HBS1L: variants seen among roughly 807,000 people sequenced by gnomAD.
HBS1L encodes HBS1-like protein.
HBS1L carries 55 observed loss-of-function variants against 88.9 expected under a neutral mutation model. The observed-to-expected ratio is 0.62, with a 90% CI of 0.50 to 0.77. The LOEUF is 0.77. Ranked by LOEUF, HBS1L falls within the 30% of genes least tolerant of loss-of-function variation. HBS1L has a pLI of 0.00. For missense variants in HBS1L, 741 were observed against 829.3 expected (o/e 0.89, Z 1.31); for synonymous variants, 267 against 288.5 (o/e 0.93, Z 0.76).
At chr6:135,035,139 A>G (rs1468138319) in intron 4 of HBS1L, among the ~76,000 whole-genome samples, 1 of 152,200 alleles carries the variant, frequency 6.6e-6, no homozygotes, top group Non-Finnish European at 1.5e-5. Flanking sequence ...GGAAAACTCC[A>G]CATTCCATTA....
In HBS1L at chr6:134,997,628, A is replaced by C. The variant is rs751740014; in HGVS notation, c.568T>G (p.Phe190Val). 3.5e-5 allele frequency: 56 copies of C among 1,613,972 alleles called. No homozygotes were observed. The highest frequency in any genetic ancestry group is 4.7e-5 in the Non-Finnish European group (56 of 1,179,912). ...GGCGGTCCTTTTTGAGGTGTGTGGA[A>C]ACTATGACCATTTTCTTCAGAAGAT... is the stretch of plus-strand genomic sequence containing the variant. ...GVSSEENGHS[F>V]HTPQKGPPIE... The change falls in exon 6 of 18, where the codon TTC (phenylalanine) becomes GTC (valine). Residue 190 changes from phenylalanine to valine, a missense_variant. Phe to Val is a conservative substitution (Grantham distance 50). This residue lies in a region of HBS1L where 556 missense variants were observed against 598.4 expected (regional missense o/e 0.93). Transcript: ENST00000367837.
At chr6:135,036,292 G>A in intron 4 of HBS1L, 1 of 1,029,964 alleles carries the variant, frequency 9.7e-7, no homozygotes. Flanking sequence ...AAATATATGA[G>A]GTCTGATTTC....
intron 4 of HBS1L, among the ~76,000 whole-genome samples, chr6:135,026,325 TGAGAGATCAA>T (rs781650255): frequency 2.2e-4 from 33 of 152,280 alleles, no homozygotes; most frequent in Non-Finnish European, 4.4e-4. Flanking sequence ...TTTTTAACAG[TGAGAGATCAA>T]TATACATTGT....
At chr6:135,030,785 A>G (rs901455542) in intron 4 of HBS1L, among the ~76,000 whole-genome samples, 3 of 152,192 alleles carry the variant, frequency 2.0e-5, no homozygotes, top group African/African-American at 7.2e-5. Flanking sequence ...GGGCCAAAAA[A>G]TGTACAGTTG....
intron 7 of HBS1L, among the ~76,000 whole-genome samples, chr6:134,996,292 T>C (rs1330463860): frequency 2.0e-5 from 3 of 152,186 alleles, no homozygotes; most frequent in Admixed American, 6.5e-5. Context: ...GACTGTCTCA[T>C]AAAAACATAA....
chr6:135,002,909 AGTATT>A, intron 4 of HBS1L, 67 bp from the exon 5 acceptor site: 1 of 771,766 alleles, frequency 1.3e-6, no homozygotes, highest in Non-Finnish European at 2.1e-6. Flanking sequence ...TCTATTACAT[AGTATT>A]TTAAATTATA....
At position 134,965,197 on chromosome 6, in the gene HBS1L, T is replaced by C; in HGVS notation, c.*82A>G. Reference sequence around the variant, plus strand: ...TAAAAACATATCAATTGCACATTGTTCCTTTGACTTAATAACTGCATTCTT... The same window carrying C: ...TAAAAACATATCAATTGCACATTGTCCCTTTGACTTAATAACTGCATTCTT... On this transcript the variant is annotated 3_prime_UTR_variant, in exon 18 of 18. Transcript: ENST00000367837. The C allele has an allele frequency of 9.1e-7, 1 of 1,099,040 alleles. No individual in the cohort carries two copies. Among genetic ancestry groups the C allele is most frequent in the East Asian group, 2.4e-5 (1 of 42,354 alleles). The allele number at this position is 1,099,040 out of a possible 1,614,324, so 68.1% of individuals were successfully genotyped here.
At chr6:135,024,559 T>C (rs1274124005) in intron 4 of HBS1L, among the ~76,000 whole-genome samples, 1 of 149,104 alleles carries the variant, frequency 6.7e-6, no homozygotes, top group Non-Finnish European at 1.5e-5. Flanking sequence ...GTTTTTTTTT[T>C]TTCTTGGTAG....
chr6:135,004,958 T>C (rs1267159799), intron 4 of HBS1L, among the ~76,000 whole-genome samples: 1 of 151,980 alleles, frequency 6.6e-6, no homozygotes, highest in African/African-American at 2.4e-5. Flanking sequence ...GCCAAGATAA[T>C]GGACAATACA....
intron 4 of HBS1L, among the ~76,000 whole-genome samples, chr6:135,029,920 A>G (rs761059089): frequency 1.3e-5 from 2 of 152,262 alleles, no homozygotes; most frequent in Non-Finnish European, 2.9e-5. Flanking sequence ...ACGTACATTC[A>G]CATATGTGTA....
In HBS1L at chr6:134,963,969, AG is replaced by A. The variant is rs1380690327; in HGVS notation, c.*1309del. 1 of 152,224 alleles carries A rather than the reference AG, an allele frequency of 6.6e-6. No individual in the cohort carries two copies. The highest frequency in any genetic ancestry group is 1.9e-4 in the East Asian group (1 of 5,206). The allele number at this position is 152,224 out of a possible 1,614,324, so 9.4% of individuals were successfully genotyped here. ...TATTTAAATAAAACTTTCTTAACTC[AG>A]TGAATCTGAAGTGACAACTACACAT... On this transcript the variant is annotated 3_prime_UTR_variant, in exon 18 of 18. Transcript: ENST00000367837.
rs33946758 is a variant in HBS1L at position 135,000,222 on chromosome 6, A to ATT, written c.539+2510_539+2511dup. Among the ~76,000 whole-genome samples the ATT allele has an allele frequency of 3.2e-4, 42 of 129,414 alleles. 3 individuals carry two copies. The highest frequency in any genetic ancestry group is 9.3e-4 in the African/African-American group (27 of 28,918). 84.9% of individuals were successfully genotyped at this position (129,414 alleles called of 152,430 possible). On this transcript the variant is annotated intron_variant, in intron 5 of 17. Transcript: ENST00000367837. ...AGGCAAGCACCACTATACCCAGCTA[A>ATT]TTTTTTTTTTTTTTTGGTAGAGATG...
chr6:135,025,168 G>A (rs541918719), intron 4 of HBS1L, among the ~76,000 whole-genome samples: 9 of 152,222 alleles, frequency 5.9e-5, no homozygotes, highest in East Asian at 1.9e-4. Context: ...CCATTTTCCC[G>A]AAAGAGAGCA....
At chr6:135,052,898 C>A (rs1442478974) in intron 1 of HBS1L, among the ~76,000 whole-genome samples, 1 of 152,188 alleles carries the variant, frequency 6.6e-6, no homozygotes, top group East Asian at 1.9e-4. Context: ...TTTTAGAACA[C>A]AAACTCTCTC....
At chr6:135,043,272 AATATAG>A (rs1224864283) in intron 2 of HBS1L, among the ~76,000 whole-genome samples, 3 of 152,242 alleles carry the variant, frequency 2.0e-5, no homozygotes, top group Non-Finnish European at 2.9e-5. Flanking sequence ...GAAGGACAGA[AATATAG>A]ATATAATATT....
chr6:134,970,671 T>C (rs1306863508), intron 15 of HBS1L, among the ~76,000 whole-genome samples: 2 of 152,194 alleles, frequency 1.3e-5, no homozygotes, highest in Non-Finnish European at 1.5e-5. Context: ...AGCTGAATTT[T>C]AGGCTTATGT....
intron 4 of HBS1L, among the ~76,000 whole-genome samples, chr6:135,021,325 T>A (rs1334184409): frequency 6.6e-6 from 1 of 152,030 alleles, no homozygotes; most frequent in African/African-American, 2.4e-5. Flanking sequence ...TGGTTCTCAA[T>A]AAACAATATT....
intron 4 of HBS1L, chr6:135,036,681 T>C (rs1170926413): frequency 1.9e-6 from 3 of 1,551,274 alleles, no homozygotes; most frequent in South Asian, 1.2e-5. Context: ...CATCTTGAAC[T>C]TGTCTACTAT....
chr6:134,986,697 T>A, intron 10 of HBS1L, 39 bp downstream of exon 10: 1 of 1,122,040 alleles, frequency 8.9e-7, no homozygotes, highest in South Asian at 1.6e-5. Flanking sequence ...TAAGATGACT[T>A]AAGGAAAGTA....
Sources: allele counts gnomAD v4.1 joint callset (sites outside exome capture counted in the v4.1 genomes callset), GRCh38; gene constraint gnomAD v4.1.1; regional missense constraint gnomAD v4.1.1; transcripts MANE v1.5; gene names NCBI Gene and HGNC (gene_info 2026-07-23, HGNC 2026-07-21).